The following MUC5AC variants were observed in gnomAD, a reference collection of about 807,000 sequenced individuals.
The protein encoded by MUC5AC is mucin-5AC.
MUC5AC carries 158 observed loss-of-function variants against 169.7 expected under a neutral mutation model. The ratio of observed to expected loss-of-function variants is 0.93; its 90% CI spans 0.82 to 1.06. The LOEUF (loss-of-function observed/expected upper bound fraction) is 1.06. Among genes scored for constraint, MUC5AC ranks in the 50% least tolerant of loss-of-function variants. The pLI is 0.00. For synonymous variants in MUC5AC, 1,975 were observed against 1,237.0 expected, an observed-to-expected ratio of 1.60 and a Z score of -12.52; for missense variants, 4,359 against 3,089.9, an observed-to-expected ratio of 1.41 and a Z score of -9.74.
intron 27 of MUC5AC, 30 bp downstream of exon 27, chr11:1,180,180 G>A: frequency 2.6e-6 from 1 of 389,610 alleles, no homozygotes; most frequent in South Asian, 1.3e-4. Flanking sequence ...AGGGTGGCCT[G>A]GGCTCCGCCG....
At chr11:1,175,618 C>T (rs1032546308) in intron 19 of MUC5AC, among the ~76,000 whole-genome samples, 128 of 148,636 alleles carry the variant, frequency 8.6e-4, no homozygotes, top group African/African-American at 1.6e-3. Context: ...CTCATGCACA[C>T]GCACTCACAC....
chr11:1,196,746 G>T, intron 39 of MUC5AC, 26 bp downstream of exon 39: 1 of 738,400 alleles, frequency 1.4e-6, no homozygotes. Flanking sequence ...CGGGGCTGGG[G>T]GGTGTGGCAG....
chr11:1,180,494 T>C lies in MUC5AC; in HGVS notation c.3754T>C (p.Ser1252Pro). 2.5e-6 allele frequency: 1 copy of C among 398,780 alleles called. No individual in the cohort carries two copies. The highest frequency in any genetic ancestry group is 4.4e-6 in the Non-Finnish European group (1 of 226,178). 24.7% of individuals were successfully genotyped at this position (398,780 alleles called of 1,614,324 possible). ...CTACCGGCCAGGTGCAGTGGTGCCC[T>C]CGGACAAGAACTGCCAGTCCTGGTG... ...KSYRPGAVVP[S>P]DKNCQSCLCT... Residue 1252 changes from serine (S) to proline (P), a missense_variant, in exon 28 of 49, where the codon TCG (serine) becomes CCG (proline). By Grantham distance (74) the Ser-to-Pro change is moderately conservative (BLOSUM62 -1). Coordinates refer to ENST00000621226, the MANE Select transcript of MUC5AC (RefSeq NM_001304359.2).
Position 1,168,525 on chromosome 11 carries a change from A to G in MUC5AC, c.1540A>G (p.Ile514Val). The change falls in exon 13 of 49, where the codon ATC becomes GTC. Residue 514 changes from isoleucine to valine, a missense_variant. Physicochemically the swap from Ile to Val is conservative, Grantham distance 29 (BLOSUM62 3). Transcript: ENST00000621226. ...KASGEVFLNQ[I>V]YTQLPISAAN... Reference sequence around the variant, plus strand: ...CAGTGGGGAAGTGTTCCTGAACCAGATCTACACCCAGCTGCCCATCTCTGC... The same window carrying G: ...CAGTGGGGAAGTGTTCCTGAACCAGGTCTACACCCAGCTGCCCATCTCTGC... 6.2e-7 allele frequency: 1 copy of G among 1,612,528 alleles called. No individual in the cohort carries two copies. The highest frequency in any genetic ancestry group is 8.5e-7 in the Non-Finnish European group (1 of 1,179,798).
rs1408377636 is a variant in MUC5AC at position 1,189,427 on chromosome 11, C to T, written c.11282C>T (p.Thr3761Met). The T allele has an allele frequency of 2.1e-5, 12 of 574,632 alleles. No individual in the cohort carries two copies. Among genetic ancestry groups the T allele is most frequent in the Admixed American group, 6.2e-5 (2 of 32,208 alleles). The allele number at this position is 574,632 out of a possible 1,614,324, so 35.6% of individuals were successfully genotyped here. Residue 3761 changes from threonine to methionine, a missense_variant, in exon 31 of 49, where the codon ACG becomes ATG. By Grantham distance (81) the Thr-to-Met change is moderately conservative (BLOSUM62 -1). Transcript: ENST00000621226. ...ACCTCTGCTCCCACAGCCAGCACAA[C>T]GTCAGCTCCTACGAGCACTTCCTCG... is the stretch of plus-strand genomic sequence containing the variant. ...STTSAPTAST[T>M]SAPTSTSSAP...
chr11:1,199,635 C>T, intron 46 of MUC5AC, 60 bp from the exon 47 acceptor site: 1 of 699,908 alleles, frequency 1.4e-6, no homozygotes, highest in Admixed American at 2.0e-5. Context: ...GTCCCCATCC[C>T]TCACTTCTGT....
At position 1,177,056 on chromosome 11, in the gene MUC5AC, C is replaced by T. The variant is rs1338214172; in HGVS notation, c.2783C>T (p.Thr928Met). ...SYSFNGDCEY[T>M]LVQNHCGGKD... Reference sequence around the variant, plus strand: ...AGCTTCAACGGAGACTGCGAGTACACGCTGGTGCAGGTGAGCCGGCGCGTT... The same window carrying T: ...AGCTTCAACGGAGACTGCGAGTACATGCTGGTGCAGGTGAGCCGGCGCGTT... The change falls in exon 22 of 49, where the codon ACG becomes ATG. Residue 928 changes from threonine to methionine, a missense_variant. Transcript: ENST00000621226. 31 of 398,622 alleles carry T rather than the reference C, an allele frequency of 7.8e-5. No homozygotes were observed. The highest frequency in any genetic ancestry group is 1.3e-4 in the South Asian group (1 of 7,876). The allele number at this position is 398,622 out of a possible 1,614,324, so 24.7% of individuals were successfully genotyped here.
At position 1,189,497 on chromosome 11, in the gene MUC5AC, C is replaced by T; in HGVS notation, c.11352C>T (p.Thr3784=). Residue 3784 remains threonine (T), a synonymous_variant, in exon 31 of 49, where the codon ACC becomes ACT. Transcript: ENST00000621226. The stretch of plus-strand genomic sequence containing the variant: ...CCTCTGCCCCTACAACTAGCACTAC[C>T]TCTGCTCCCATAACCAGCACAATCT... The part of the protein sequence containing the change: ...NTTSAPTTST[T]SAPITSTISA... 3 of 590,948 alleles carry T rather than the reference C, an allele frequency of 5.1e-6. No homozygotes were observed. The highest frequency in any genetic ancestry group is 9.0e-6 in the Non-Finnish European group (3 of 332,848). The allele number at this position is 590,948 out of a possible 1,614,324, so 36.6% of individuals were successfully genotyped here. A position where few individuals can be genotyped will look rare whatever the true frequency, so the allele number is the denominator to read the frequency against.
Position 1,178,518 on chromosome 11 carries a change from G to A in MUC5AC, c.3162G>A (p.Val1054=). Residue 1054 remains valine (V), a synonymous_variant, in exon 25 of 49, where the codon GTG becomes GTA. Transcript: ENST00000621226. ...ACTTTGCCACGCGGAGCCGGTCTGTGGTGGGGGACGTGCTGGAGTTTGGGA... is the reference window on the plus strand; with the variant it reads ...ACTTTGCCACGCGGAGCCGGTCTGTAGTGGGGGACGTGCTGGAGTTTGGGA... ...VNDFATRSRS[V]VGDVLEFGNS... 1 of 1,268,978 alleles carries A rather than the reference G, an allele frequency of 7.9e-7. No homozygotes were observed. The highest frequency in any genetic ancestry group is 3.4e-5 in the Admixed American group (1 of 29,198). 78.6% of individuals were successfully genotyped at this position (1,268,978 alleles called of 1,614,324 possible). A position where few individuals can be genotyped will look rare whatever the true frequency, so the allele number is the denominator to read the frequency against.
Position 1,167,935 on chromosome 11 carries a change from A to T in MUC5AC, c.1445A>T (p.Asp482Val). ...GAGCTGCGCAGGTGCGGGCTGACGG[A>T]CAGCGAGACCTGCCTGAAGAGCGTG... ...LAELRRCGLT[D>V]SETCLKSVTL... The change falls in exon 12 of 49, where the codon GAC becomes GTC. Residue 482 changes from aspartate to valine, a missense_variant. Physicochemically the swap from Asp to Val is radical, Grantham distance 152. Coordinates refer to ENST00000621226, the MANE Select transcript of MUC5AC (RefSeq NM_001304359.2). 1 of 1,550,848 alleles carries T rather than the reference A, an allele frequency of 6.4e-7. No homozygotes were observed. The highest frequency in any genetic ancestry group is 1.2e-5 in the South Asian group (1 of 84,066).
At chr11:1,177,141 C>G (rs1860707523) in intron 22 of MUC5AC, 75 bp downstream of exon 22, 1 of 398,588 alleles carries the variant, frequency 2.5e-6, no homozygotes, top group Non-Finnish European at 4.4e-6. Flanking sequence ...TGCGGCTGCC[C>G]CAGGGTGCAC....
At chr11:1,170,988 C>CCA (rs1860501412) in intron 15 of MUC5AC, among the ~76,000 whole-genome samples, 9 of 90,032 alleles carry the variant, frequency 1.0e-4, no homozygotes, top group African/African-American at 4.4e-4. Flanking sequence ...CCCCACTCAC[C>CCA]TACTCACTCA....
Position 1,178,581 on chromosome 11 carries a change from G to C in MUC5AC, c.3225G>C (p.Leu1075=). 7.1e-7 allele frequency: 1 copy of C among 1,411,894 alleles called. No individual in the cohort carries two copies. The allele number at this position is 1,411,894 out of a possible 1,614,324, so 87.5% of individuals were successfully genotyped here. ...WKLSPSCPDA[L]APKDPCTANP... ...TCTCCCCCTCCTGCCCAGATGCCCTGGCGCCCAAGGACCCCTGCACGGCCA... is the reference window on the plus strand; with the variant it reads ...TCTCCCCCTCCTGCCCAGATGCCCTCGCGCCCAAGGACCCCTGCACGGCCA... The change falls in exon 25 of 49, where the codon CTG becomes CTC. Residue 1075 remains leucine, a synonymous_variant. Coordinates refer to ENST00000621226, the MANE Select transcript of MUC5AC (RefSeq NM_001304359.2).
In MUC5AC at chr11:1,168,932, C is replaced by T. The variant is rs373216845; in HGVS notation, c.1776C>T (p.Thr592=). 3.7e-5 allele frequency: 59 copies of T among 1,611,218 alleles called. No homozygotes were observed. Among genetic ancestry groups the T allele is most frequent in the African/African-American group, 2.3e-4 (17 of 74,900 alleles). The change falls in exon 15 of 49, where the codon ACC becomes ACT. Residue 592 remains threonine (T), a synonymous_variant. Transcript: ENST00000621226. ...FRTLSGVVEA[T]AAAFFNTFKT... The stretch of plus-strand genomic sequence containing the variant: ...CCCTCAGTGGGGTGGTGGAGGCCAC[C>T]GCTGCGGCCTTCTTCAACACCTTCA...
chr11:1,180,940 T>C (rs1860803422), intron 28 of MUC5AC, among the ~76,000 whole-genome samples, 199 bp from the exon 29 acceptor site: 2 of 152,082 alleles, frequency 1.3e-5, no homozygotes, highest in Non-Finnish European at 2.9e-5. Context: ...GGAGGGACCT[T>C]GGGCTGACGC....
rs767358818 is a variant in MUC5AC at position 1,165,656 on chromosome 11, G to A, written c.1282G>A (p.Val428Ile). The change falls in exon 11 of 49, where the codon GTT becomes ATT. Residue 428 changes from valine to isoleucine, a missense_variant. By Grantham distance (29) the Val-to-Ile change is conservative. Coordinates refer to ENST00000621226, the MANE Select transcript of MUC5AC (RefSeq NM_001304359.2). ...CGGAGGCCGGTGGAGCTGCCAGGAG[G>A]TTCCATGCCCGGGTACCTGCTCTGT... The part of the protein sequence containing the change: ...CSGGRWSCQE[V>I]PCPGTCSVLG... The A allele has an allele frequency of 3.1e-6, 5 of 1,612,294 alleles. No individual in the cohort carries two copies. In the African/African-American group the frequency reaches 5.3e-5, roughly 17 times the overall value.
At chr11:1,200,374 C>T (rs1263451577) in intron 48 of MUC5AC, 64 bp from the exon 49 acceptor site, 14 of 627,602 alleles carry the variant, frequency 2.2e-5, no homozygotes, top group Non-Finnish European at 3.2e-5. Context: ...CTCGGCACGG[C>T]GCCGGCTTAC....
At chr11:1,161,229 G>A (rs560142307) in intron 2 of MUC5AC, among the ~76,000 whole-genome samples, 11 of 152,318 alleles carry the variant, frequency 7.2e-5, no homozygotes, top group Admixed American at 6.5e-5. Flanking sequence ...GTCTTGAGCC[G>A]CTGATGCAGA....
At chr11:1,162,409 C>T in intron 4 of MUC5AC, 123 bp from the exon 5 acceptor site, 1 of 1,060,302 alleles carries the variant, frequency 9.4e-7, no homozygotes, top group Non-Finnish European at 1.4e-6. Context: ...GGTCAATGTC[C>T]CCATCCCAGA....
Sources: gnomAD v4.1 joint callset for allele counts (sites outside exome capture counted in the v4.1 genomes callset) on GRCh38, gnomAD v4.1.1 for gene constraint, MANE v1.5 for transcripts, NCBI Gene and HGNC (gene_info 2026-07-23, HGNC 2026-07-21) for gene names.